MCOLN2: variants seen among roughly 807,000 people sequenced by gnomAD.
MCOLN2 encodes mucolipin-2.
A neutral mutation model predicts 67.5 loss-of-function variants in MCOLN2; 57 were observed. The observed-to-expected ratio is 0.84, with a 90% CI of 0.68 to 1.05. The LOEUF (loss-of-function observed/expected upper bound fraction) is 1.05. MCOLN2 is among the 50% of genes least tolerant of loss of function. The pLI, the probability that MCOLN2 is intolerant of heterozygous loss-of-function variation, is 0.00. For missense variants in MCOLN2, 620 were observed against 678.8 expected, an observed-to-expected ratio of 0.91 and a Z score of 0.96; for synonymous variants, 246 against 233.3, an observed-to-expected ratio of 1.05 and a Z score of -0.50.
intron 4 of MCOLN2, among the ~76,000 whole-genome samples, chr1:84,953,661 A>G (rs528342190): frequency 6.6e-6 from 1 of 152,254 alleles, no homozygotes; most frequent in Non-Finnish European, 1.5e-5. Context: ...TTTTCAAAGT[A>G]AAAAAATAGA....
intron 7 of MCOLN2, among the ~76,000 whole-genome samples, chr1:84,946,292 C>G (rs1353118724): frequency 6.6e-6 from 1 of 152,138 alleles, no homozygotes; most frequent in African/African-American, 2.4e-5. Context: ...TATTTCTCTC[C>G]ATAACACATC....
Position 84,940,154 on chromosome 1 carries a change from G to C in MCOLN2, c.961-452C>G, listed in dbSNP as rs374354766. 3.1e-4 allele frequency among the ~76,000 whole-genome samples: 47 copies of C among 152,140 alleles called. 2 individuals carry two copies. In the South Asian group the frequency reaches 5.6e-3, roughly 18 times the overall value. On this transcript the variant is annotated intron_variant, in intron 8 of 13. Coordinates refer to ENST00000370608, the MANE Select transcript of MCOLN2 (RefSeq NM_153259.4). ...AGCCCCCTCACCTTGGCAGGGAAAG[G>C]ACCTTAACTTTGCATTCAGAATATC...
chr1:84,982,884 T>G (rs1650328140), intron 1 of MCOLN2, among the ~76,000 whole-genome samples: 1 of 152,032 alleles, frequency 6.6e-6, no homozygotes, highest in Non-Finnish European at 1.5e-5. Flanking sequence ...TTATTATTAT[T>G]ATTTTTTATT....
chr1:84,935,394 G>A (rs972097143), intron 11 of MCOLN2, among the ~76,000 whole-genome samples: 2 of 152,144 alleles, frequency 1.3e-5, no homozygotes, highest in South Asian at 2.1e-4. Flanking sequence ...TCCTCCAGGG[G>A]TATAAAGGAA....
chr1:84,960,410 G>T (rs1194606848), intron 2 of MCOLN2, among the ~76,000 whole-genome samples: 1 of 152,096 alleles, frequency 6.6e-6, no homozygotes, highest in Non-Finnish European at 1.5e-5. Context: ...AGTTCTTTAG[G>T]ATGCTTCTTA....
chr1:84,931,628 CTA>C, intron 11 of MCOLN2, 60 bp from the exon 12 acceptor site: 1 of 1,378,402 alleles, frequency 7.3e-7, no homozygotes, highest in Non-Finnish European at 1.0e-6. Flanking sequence ...CAGAGGATAT[CTA>C]GTTAGCTTGT....
rs1271977876 is a variant in MCOLN2, at chr1:84,987,526, ATACATCTATG to A, written c.77+9260_77+9269del. On this transcript the variant is annotated intron_variant, in intron 1 of 13. Transcript: ENST00000370608. Reference sequence around the variant, plus strand: ...TAGATGTATACATATGTATATATGTATACATCTATGTATACATAGATGTATACATCTATGT... The same window carrying A: ...TAGATGTATACATATGTATATATGTATATACATAGATGTATACATCTATGT... Among the ~76,000 whole-genome samples the A allele has an allele frequency of 8.9e-3, 1,012 of 113,324 alleles. 75 individuals carry two copies. The highest frequency in any genetic ancestry group is 0.03 in the African/African-American group (915 of 30,998). 74.3% of individuals were successfully genotyped at this position (113,324 alleles called of 152,430 possible). A position where few individuals can be genotyped will look rare whatever the true frequency, so the allele number is the denominator to read the frequency against.
At chr1:84,963,270 A>G (rs1157054585) in intron 2 of MCOLN2, among the ~76,000 whole-genome samples, 1 of 152,242 alleles carries the variant, frequency 6.6e-6, no homozygotes, top group Non-Finnish European at 1.5e-5. Context: ...GGACATGGCA[A>G]ACACTAAGCT....
At chr1:84,964,759 T>C (rs1311141747) in intron 2 of MCOLN2, among the ~76,000 whole-genome samples, 1 of 152,162 alleles carries the variant, frequency 6.6e-6, no homozygotes, top group Non-Finnish European at 1.5e-5. Flanking sequence ...GAGCCGCACC[T>C]AGATCCTTCG....
At chr1:84,990,348 G>A (rs993322653) in intron 1 of MCOLN2, among the ~76,000 whole-genome samples, 2 of 140,158 alleles carry the variant, frequency 1.4e-5, no homozygotes, top group African/African-American at 5.3e-5. Context: ...TAAATGACGA[G>A]TTAATGGGTG....
chr1:84,936,163 G>A (rs1182725668), intron 11 of MCOLN2, among the ~76,000 whole-genome samples: 2 of 152,108 alleles, frequency 1.3e-5, no homozygotes, highest in Non-Finnish European at 2.9e-5. Flanking sequence ...GGGAGGGAAG[G>A]GTTAACACAG....
chr1:84,984,135 TTTTGGA>T (rs1170577546), intron 1 of MCOLN2, among the ~76,000 whole-genome samples: 4 of 152,238 alleles, frequency 2.6e-5, no homozygotes, highest in African/African-American at 4.8e-5. Flanking sequence ...TTAATGCAAA[TTTTGGA>T]TAAATTAACA....
chr1:84,980,717 AC>A (rs1171069623), intron 1 of MCOLN2, among the ~76,000 whole-genome samples: 1 of 152,182 alleles, frequency 6.6e-6, no homozygotes, highest in East Asian at 1.9e-4. Context: ...CTATGAAACT[AC>A]TACAAGAAAA....
intron 1 of MCOLN2, among the ~76,000 whole-genome samples, chr1:84,982,702 TTA>T (rs1156979276): frequency 2.0e-5 from 3 of 152,186 alleles, no homozygotes; most frequent in East Asian, 1.9e-4. Context: ...TTAAAGAAAT[TTA>T]TGTTTGTTCC....
At chr1:84,939,816 ATTTGCCAGATCCACCTCGAAAGTGGAGG>A in intron 8 of MCOLN2, 114 bp from the exon 9 acceptor site, 1 of 1,084,630 alleles carries the variant, frequency 9.2e-7, no homozygotes, top group Non-Finnish European at 1.4e-6. Context: ...TGCCTTTCCA[ATTTGCCAGATCCACCTCGAAAGTGGAGG>A]TTACGGCACA....
chr1:84,940,114 C>A (rs1218948726), intron 8 of MCOLN2, among the ~76,000 whole-genome samples: 1 of 151,802 alleles, frequency 6.6e-6, no homozygotes, highest in East Asian at 1.9e-4. Context: ...CTCCAGAGTG[C>A]GTGCTCCAAA....
At chr1:84,970,743 T>G (rs1270859965) in intron 1 of MCOLN2, among the ~76,000 whole-genome samples, 3 of 152,162 alleles carry the variant, frequency 2.0e-5, no homozygotes, top group African/African-American at 7.2e-5. Flanking sequence ...GGAGACATTT[T>G]CCTGCCTTCC....
chr1:84,965,213 A>T (rs896958903), intron 2 of MCOLN2, among the ~76,000 whole-genome samples: 1 of 152,248 alleles, frequency 6.6e-6, no homozygotes, highest in African/African-American at 2.4e-5. Flanking sequence ...AGACAAAAAA[A>T]TGCAGATTTT....
At chr1:84,928,491 C>T (rs1468293445) in intron 13 of MCOLN2, among the ~76,000 whole-genome samples, 1 of 152,198 alleles carries the variant, frequency 6.6e-6, no homozygotes, top group Admixed American at 6.5e-5. Context: ...AAGGTCCAAA[C>T]ACCAAAGACC....
Sources: allele counts gnomAD v4.1 joint callset (sites outside exome capture counted in the v4.1 genomes callset), GRCh38; gene constraint gnomAD v4.1.1; transcripts MANE v1.5; gene names NCBI Gene and HGNC (gene_info 2026-07-23, HGNC 2026-07-21).